DOP1A: variants seen among roughly 807,000 people sequenced by gnomAD.
DOP1A encodes DOP1 leucine zipper like protein A, also known as protein DOP1A.
In DOP1A, 90 loss-of-function variants were observed where a neutral mutation model predicts 267.6. The ratio of observed to expected loss-of-function variants is 0.34; its 90% CI spans 0.28 to 0.40. The LOEUF (loss-of-function observed/expected upper bound fraction) is 0.40, where lower values mean the gene tolerates loss of function less well. Among genes scored for constraint, DOP1A ranks in the 10% least tolerant of loss-of-function variants. The pLI is 1.00. For synonymous variants in DOP1A, 932 were observed against 999.1 expected, an observed-to-expected ratio of 0.93 and a Z score of 1.27; for missense variants, 2,437 against 2,900.4, an observed-to-expected ratio of 0.84 and a Z score of 3.67.
chr6:83,067,996 C>CT (rs1259471341), intron 1 of DOP1A, among the ~76,000 whole-genome samples: 1 of 152,156 alleles, frequency 6.6e-6, no homozygotes, highest in African/African-American at 2.4e-5. Context: ...ACTGGAGGGC[C>CT]AGGGCTGGGG....
chr6:83,153,102 A>C (rs1583141234), intron 30 of DOP1A, among the ~76,000 whole-genome samples: 1 of 152,218 alleles, frequency 6.6e-6, no homozygotes, highest in African/African-American at 2.4e-5. Flanking sequence ...ACTAAGGCCA[A>C]ATAGCTGTTA....
chr6:83,087,933 G>A (rs1393795596), intron 1 of DOP1A, among the ~76,000 whole-genome samples: 1 of 151,984 alleles, frequency 6.6e-6, no homozygotes, highest in East Asian at 1.9e-4. Context: ...GTGCAGTGGC[G>A]CGATCTCAGC....
At chr6:83,084,676 G>A (rs1768752628) in intron 1 of DOP1A, among the ~76,000 whole-genome samples, 1 of 151,936 alleles carries the variant, frequency 6.6e-6, no homozygotes, top group African/African-American at 2.4e-5. Context: ...TCTACCTCCT[G>A]GGTTCAAGCG....
chr6:83,132,661 A>G (rs1778256802), intron 18 of DOP1A, among the ~76,000 whole-genome samples: 2 of 152,194 alleles, frequency 1.3e-5, no homozygotes, highest in Admixed American at 6.5e-5. Context: ...CAGAGGCCTC[A>G]GTTATGGAAC....
chr6:83,145,996 C>T (rs1437494771), intron 25 of DOP1A, among the ~76,000 whole-genome samples: 1 of 152,132 alleles, frequency 6.6e-6, no homozygotes. Flanking sequence ...TCAGTTGTTG[C>T]CATTTTTCAT....
rs559147852 is a variant in DOP1A at position 83,079,002 on chromosome 6, A to G, written c.-147+11223A>G. 3.3e-5 allele frequency among the ~76,000 whole-genome samples: 5 copies of G among 152,276 alleles called. No homozygotes were observed. The East Asian group carries it at 9.6e-4, about 29-fold the overall frequency. On this transcript the variant is annotated intron_variant, in intron 1 of 38. Transcript: ENST00000349129. ...TAGGAGCTGGGGGAAGGTCTGCTGT[A>G]GGCTGTACCCCATTTTTCTCTGTAA...
chr6:83,072,695 C>T (rs935272232), intron 1 of DOP1A, among the ~76,000 whole-genome samples: 1 of 152,172 alleles, frequency 6.6e-6, no homozygotes, highest in African/African-American at 2.4e-5. Flanking sequence ...AATAGCCCTA[C>T]ATTTTTCAGT....
At chr6:83,164,697 G>T in intron 38 of DOP1A, 1 of 1,590,674 alleles carries the variant, frequency 6.3e-7, no homozygotes, top group Non-Finnish European at 8.6e-7. Context: ...ATTTTGGAGG[G>T]ATTGGAGATG....
chr6:83,084,076 G>A (rs1326738661), intron 1 of DOP1A, among the ~76,000 whole-genome samples: 2 of 152,100 alleles, frequency 1.3e-5, no homozygotes, highest in African/African-American at 4.8e-5. Flanking sequence ...AACCTCTTGT[G>A]TCTTAGGTTT....
rs375358541 is a variant in DOP1A at position 83,153,964 on chromosome 6, C to T, written c.6310C>T (p.Arg2104Trp). The change falls in exon 32 of 39, where the codon CGG becomes TGG. Residue 2104 changes from arginine to tryptophan, a missense_variant. By Grantham distance (101) the Arg-to-Trp change is moderately radical. This residue lies in a region of DOP1A where 216 missense variants were observed against 283.3 expected (regional missense o/e 0.76). Coordinates refer to ENST00000349129, the MANE Select transcript of DOP1A (RefSeq NM_015018.4). ...CAGTCTTAGTGGGTATCAGTACACA[C>T]GGAGAGCTTGGAAAAAAGAAGCTTT... ...LSSLSGYQYT[R>W]RAWKKEAFDL... 21 of 1,613,886 alleles carry T rather than the reference C, an allele frequency of 1.3e-5. No individual in the cohort carries two copies. The highest frequency in any genetic ancestry group is 4.0e-5 in the African/African-American group (3 of 74,868).
In DOP1A at chr6:83,135,845, A is replaced by G; in HGVS notation, c.3097A>G (p.Lys1033Glu). ...SPCYPGEESD[K>E]HFMQNFACSN... is the part of the protein sequence containing the mutation. ...CTGTTATCCAGGAGAGGAGAGTGAC[A>G]AGCATTTCATGCAAAATTTTGCCTG... Residue 1033 changes from lysine (K) to glutamate (E), a missense_variant, in exon 20 of 39, where the codon AAG becomes GAG. Coordinates refer to ENST00000349129, the MANE Select transcript of DOP1A (RefSeq NM_015018.4). 6.2e-7 allele frequency: 1 copy of G among 1,613,664 alleles called. No individual in the cohort carries two copies. The highest frequency in any genetic ancestry group is 8.5e-7 in the Non-Finnish European group (1 of 1,179,642).
intron 25 of DOP1A, 98 bp downstream of exon 25, chr6:83,145,756 A>G: frequency 8.3e-7 from 1 of 1,204,424 alleles, no homozygotes; most frequent in Non-Finnish European, 1.2e-6. Context: ...TCAATATAGT[A>G]CAGATTGCAG....
At chr6:83,083,727 G>A (rs1768565825) in intron 1 of DOP1A, among the ~76,000 whole-genome samples, 1 of 152,166 alleles carries the variant, frequency 6.6e-6, no homozygotes, top group South Asian at 2.1e-4. Flanking sequence ...CTATGCTTTG[G>A]AGACAGGATG....
At chr6:83,070,916 C>A (rs908256952) in intron 1 of DOP1A, among the ~76,000 whole-genome samples, 16 of 152,114 alleles carry the variant, frequency 1.1e-4, no homozygotes, top group Non-Finnish European at 1.9e-4. Flanking sequence ...ATTAATATTT[C>A]TTTATATCAA....
Position 83,088,154 on chromosome 6 carries a change from G to A in DOP1A, c.-146-8577G>A, listed in dbSNP as rs186796887. ...CCCAAAGTGTTGGGATTACAGGTGT[G>A]AGCCACCGCACCCGGCCAACCATTG... On this transcript the variant is annotated intron_variant, in intron 1 of 38. Transcript: ENST00000349129. 5.1e-4 allele frequency among the ~76,000 whole-genome samples: 78 copies of A among 152,200 alleles called. 1 individual carries two copies. Among genetic ancestry groups the A allele is most frequent in the Non-Finnish European group, 5.9e-4 (40 of 68,010 alleles).
intron 38 of DOP1A, chr6:83,166,351 A>G (rs1488782092): frequency 2.9e-6 from 2 of 692,904 alleles, no homozygotes; most frequent in East Asian, 5.4e-5. Context: ...CCTCATCTTC[A>G]AGGCTCTAGT....
chr6:83,123,571 T>C (rs1482460670), intron 12 of DOP1A, among the ~76,000 whole-genome samples: 1 of 152,050 alleles, frequency 6.6e-6, no homozygotes, highest in Non-Finnish European at 1.5e-5. Context: ...TTATGTACGA[T>C]TTCAGCATTA....
At chr6:83,160,856 G>A (rs969939127) in intron 37 of DOP1A, among the ~76,000 whole-genome samples, 1 of 151,756 alleles carries the variant, frequency 6.6e-6, no homozygotes, top group South Asian at 2.1e-4. Flanking sequence ...TTTTTATTTG[G>A]ACATGCTCCA....
chr6:83,124,807 CAT>C lies in DOP1A; in HGVS notation c.1445_1446del (p.Ile482SerfsTer6). 1 of 1,612,244 alleles carries C rather than the reference CAT, an allele frequency of 6.2e-7. No individual in the cohort carries two copies. Among genetic ancestry groups the C allele is most frequent in the South Asian group, 1.1e-5 (1 of 90,794 alleles). On this transcript the variant is annotated frameshift_variant, in exon 13 of 39. Coordinates refer to ENST00000349129, the MANE Select transcript of DOP1A (RefSeq NM_015018.4). LOFTEE classifies it high-confidence loss of function. ...GCTTACTGGTGGATTTTTTGTTGGA[CAT>C]AGTTTCTTTGGTAAGACCACCTTGG... ...FCLLVDFLLD[I>X]VSLPTRSMRV...
Sources: gnomAD v4.1 joint callset for allele counts (sites outside exome capture counted in the v4.1 genomes callset) on GRCh38, gnomAD v4.1.1 for gene constraint, gnomAD v4.1.1 regional missense constraint, MANE v1.5 for transcripts, NCBI Gene and HGNC (gene_info 2026-07-23, HGNC 2026-07-21) for gene names.